POC5: variants seen among roughly 807,000 people sequenced by gnomAD.
The protein encoded by POC5 is POC5 centriolar protein, also known as centrosomal protein POC5.
Under a neutral mutation model 62.9 loss-of-function variants are expected in POC5, and 48 were observed. The observed-to-expected ratio is 0.76, with a 90% confidence interval of 0.61 to 0.97. The LOEUF (loss-of-function observed/expected upper bound fraction) is 0.97. POC5 is among the 50% of genes least tolerant of loss of function. The pLI is 0.00. For missense variants in POC5, 696 were observed against 679.5 expected (o/e 1.02, Z -0.27); for synonymous variants, 236 against 228.2 (o/e 1.03, Z -0.31).
Position 75,674,239 on chromosome 5 carries a change from TA to T in POC5, c.*195del, listed in dbSNP as rs1251493681. Reference sequence around the variant, plus strand: ...AAAAAGTTTTACTTAATTGCTTAAATAAAAAATAACATTAAAATAATTTCTA... The same window carrying T: ...AAAAAGTTTTACTTAATTGCTTAAATAAAAATAACATTAAAATAATTTCTA... On this transcript the variant is annotated 3_prime_UTR_variant, in exon 12 of 12. Transcript: ENST00000428202. 4 of 423,806 alleles carry T rather than the reference TA, an allele frequency of 9.4e-6. No individual in the cohort carries two copies. The Admixed American group carries it at 1.2e-4, about 13-fold the overall frequency. 26.3% of individuals were successfully genotyped at this position (423,806 alleles called of 1,614,324 possible).
At position 75,712,955 on chromosome 5, in the gene POC5, A is replaced by C; in HGVS notation, c.-14-4T>G. On this transcript the variant is annotated splice_region_variant and splice_polypyrimidine_tract_variant and intron_variant, in intron 1 of 11. Coordinates refer to ENST00000428202, the MANE Select transcript of POC5 (RefSeq NM_001099271.2). The stretch of plus-strand genomic sequence containing the variant: ...GATGACATTCTGCACAAATGCTCTA[A>C]AACAGTAGAAGCTAACTTTAGCTTT... 2 of 1,588,122 alleles carry C rather than the reference A, an allele frequency of 1.3e-6. No individual in the cohort carries two copies. Among genetic ancestry groups the C allele is most frequent in the East Asian group, 2.2e-5 (1 of 44,676 alleles).
At chr5:75,697,471 A>G (rs1307206123) in intron 5 of POC5, among the ~76,000 whole-genome samples, 1 of 152,170 alleles carries the variant, frequency 6.6e-6, no homozygotes, top group Non-Finnish European at 1.5e-5. Context: ...TCATAAGTGA[A>G]GGAGAAATAA....
intron 5 of POC5, among the ~76,000 whole-genome samples, chr5:75,700,158 G>T (rs1776805590): frequency 6.6e-6 from 1 of 151,922 alleles, no homozygotes; most frequent in African/African-American, 2.4e-5. Context: ...GTAATTTACA[G>T]ATTCAATGCC....
rs1031909466 is a variant in POC5 at position 75,684,313 on chromosome 5, C to T, written c.1407+894G>A. Among the ~76,000 whole-genome samples, 18 of 135,384 alleles carry T rather than the reference C, an allele frequency of 1.3e-4. No homozygotes were observed. In the East Asian group the frequency reaches 3.6e-3, roughly 27 times the overall value. The allele number at this position is 135,384 out of a possible 152,430, so 88.8% of individuals were successfully genotyped here. ...AAAACACCCAATAGTGTTCTTCAAA[C>T]ATAGTCTGTCCTTCACTCTTTCTCA... On this transcript the variant is annotated intron_variant, in intron 10 of 11. Coordinates refer to ENST00000428202, the MANE Select transcript of POC5 (RefSeq NM_001099271.2).
rs1238948789 is a variant in POC5 at position 75,702,738 on chromosome 5, G to C, written c.380C>G (p.Ala127Gly). 1.9e-6 allele frequency: 3 copies of C among 1,603,222 alleles called. No individual in the cohort carries two copies. Among genetic ancestry groups the C allele is most frequent in the Non-Finnish European group, 2.6e-6 (3 of 1,174,390 alleles). Residue 127 changes from alanine to glycine, a missense_variant, in exon 5 of 12, where the codon GCT becomes GGT. Physicochemically the swap from Ala to Gly is moderately conservative, Grantham distance 60. Coordinates refer to ENST00000428202, the MANE Select transcript of POC5 (RefSeq NM_001099271.2). ...VMDFFSSHLL[A>G]DSSSPATNSS... The stretch of plus-strand genomic sequence containing the variant: ...ATTTGTTGCTGGTGAGGAAGAGTCA[G>C]CTAAAAGATGTGAACTGAAAAAATC...
intron 7 of POC5, 44 bp downstream of exon 7, chr5:75,692,352 C>A: frequency 7.3e-7 from 1 of 1,377,530 alleles, no homozygotes; most frequent in Non-Finnish European, 9.9e-7. Flanking sequence ...CTTCTGAATT[C>A]AGAAGTCTAA....
chr5:75,687,131 C>T (rs927225436), intron 9 of POC5, among the ~76,000 whole-genome samples: 1 of 151,962 alleles, frequency 6.6e-6, no homozygotes, highest in Non-Finnish European at 1.5e-5. Context: ...CCTGGGTTCA[C>T]GCCATTCTTC....
In POC5 at chr5:75,685,347, C is replaced by T. The variant is rs778306755; in HGVS notation, c.1267G>A (p.Ala423Thr). Reference sequence around the variant, plus strand: ...GCAGTCGCGCTGGCTCCTCCGACGGCGGCTGGTGGGGATGGCAGCAGTGGT... The same window carrying T: ...GCAGTCGCGCTGGCTCCTCCGACGGTGGCTGGTGGGGATGGCAGCAGTGGT... ...TSPLLPSPPA[A>T]VGGASATAVP... Residue 423 changes from alanine (A) to threonine (T), a missense_variant, in exon 10 of 12, where the codon GCC (alanine) becomes ACC (threonine). By Grantham distance (58) the Ala-to-Thr change is moderately conservative. Transcript: ENST00000428202. 9 of 1,613,964 alleles carry T rather than the reference C, an allele frequency of 5.6e-6. No homozygotes were observed. The highest frequency in any genetic ancestry group is 2.7e-5 in the African/African-American group (2 of 75,050).
intron 5 of POC5, among the ~76,000 whole-genome samples, chr5:75,701,213 TTACGGGG>T (rs1776863702): frequency 7.0e-6 from 1 of 142,456 alleles, no homozygotes; most frequent in African/African-American, 2.5e-5. Context: ...AGCCATCCCA[TTACGGGG>T]TATATACCCA....
chr5:75,675,677 T>C (rs1775623612), intron 11 of POC5, among the ~76,000 whole-genome samples: 1 of 152,202 alleles, frequency 6.6e-6, no homozygotes, highest in Admixed American at 6.5e-5. Flanking sequence ...TTGCAACAGA[T>C]AAGAAATTTT....
intron 2 of POC5, chr5:75,709,398 G>C (rs1205640035): frequency 2.0e-5 from 3 of 151,992 alleles, no homozygotes; most frequent in Non-Finnish European, 2.9e-5. Context: ...TTACATAATG[G>C]TTATCACTGA....
chr5:75,699,159 T>C (rs1343846713), intron 5 of POC5, among the ~76,000 whole-genome samples: 4 of 152,206 alleles, frequency 2.6e-5, no homozygotes, highest in Non-Finnish European at 4.4e-5. Flanking sequence ...ACTGGTACCA[T>C]TCCTTCTGAA....
intron 5 of POC5, 62 bp from the exon 6 acceptor site, chr5:75,694,893 C>A: frequency 2.6e-6 from 3 of 1,146,262 alleles, no homozygotes; most frequent in East Asian, 2.5e-5. Context: ...CTTAAAACTA[C>A]ACTGAAATAA....
intron 9 of POC5, among the ~76,000 whole-genome samples, 185 bp downstream of exon 9, chr5:75,688,827 A>ACC (rs1294721250): frequency 1.3e-5 from 2 of 152,216 alleles, no homozygotes; most frequent in African/African-American, 4.8e-5. Flanking sequence ...ACCATAAGTA[A>ACC]CCATGACTGA....
At position 75,674,313 on chromosome 5, in the gene POC5, T is replaced by C. The variant is rs2112054501; in HGVS notation, c.*122A>G. The C allele has an allele frequency of 9.1e-6, 9 of 987,870 alleles. No individual in the cohort carries two copies. In the East Asian group the frequency reaches 1.8e-4, roughly 20 times the overall value. 61.2% of individuals were successfully genotyped at this position (987,870 alleles called of 1,614,324 possible). A position where few individuals can be genotyped will look rare whatever the true frequency, so the allele number is the denominator to read the frequency against. Reference sequence around the variant, plus strand: ...GAGCTTGAAAAAGCCTCTTGTAATTTTGAACAGATGAACATGATGTCTCCA... The same window carrying C: ...GAGCTTGAAAAAGCCTCTTGTAATTCTGAACAGATGAACATGATGTCTCCA... On this transcript the variant is annotated 3_prime_UTR_variant, in exon 12 of 12. Transcript: ENST00000428202.
chr5:75,697,714 A>G (rs1442546148), intron 5 of POC5, among the ~76,000 whole-genome samples: 1 of 152,128 alleles, frequency 6.6e-6, no homozygotes, highest in Non-Finnish European at 1.5e-5. Flanking sequence ...TTCACACATA[A>G]CAATATTAAC....
At chr5:75,683,409 A>C (rs1286955348) in intron 10 of POC5, among the ~76,000 whole-genome samples, 1 of 151,428 alleles carries the variant, frequency 6.6e-6, no homozygotes, top group East Asian at 2.0e-4. Flanking sequence ...AATTTTTTAT[A>C]TTTTTAGTAG....
At chr5:75,674,890 T>C (rs1300042613) in intron 11 of POC5, among the ~76,000 whole-genome samples, 3 of 152,316 alleles carry the variant, frequency 2.0e-5, no homozygotes, top group Admixed American at 1.3e-4. Context: ...ACAGAGGCTT[T>C]GTATACAGAG....
At chr5:75,710,355 G>C (rs947820404) in intron 2 of POC5, among the ~76,000 whole-genome samples, 14 of 152,290 alleles carry the variant, frequency 9.2e-5, no homozygotes, top group African/African-American at 3.4e-4. Context: ...CTGAATGTTT[G>C]TGTCCCCTCA....
Sources: allele counts gnomAD v4.1 joint callset (sites outside exome capture counted in the v4.1 genomes callset), GRCh38; gene constraint gnomAD v4.1.1; transcripts MANE v1.5; gene names NCBI Gene and HGNC (gene_info 2026-07-23, HGNC 2026-07-21).